The following PARVB variants were observed in gnomAD, a reference collection of about 807,000 sequenced individuals.
PARVB encodes beta-parvin.
Under a neutral mutation model 47.0 loss-of-function variants are expected in PARVB, and 46 were observed. That is an observed-to-expected ratio of 0.98 (90% CI 0.77 to 1.25). The LOEUF (loss-of-function observed/expected upper bound fraction) is 1.25, where lower values mean the gene tolerates loss of function less well. Among genes scored for constraint, PARVB ranks in the 50% most tolerant of loss-of-function variants. The pLI is 0.00. For missense variants in PARVB, 473 were observed against 471.6 expected, an observed-to-expected ratio of 1.00 and a Z score of -0.03; for synonymous variants, 196 against 196.3, an observed-to-expected ratio of 1.00 and a Z score of 0.01.
At position 44,131,102 on chromosome 22, in the gene PARVB, CTCCT is replaced by C. The variant is rs1261311572; in HGVS notation, c.377-367_377-364del. The stretch of plus-strand genomic sequence containing the variant: ...CTTTTTTTCTTTCTTCTCTCTCTCT[CTCCT>C]TCCTTCCTTCCTTCCTTTTTCTTTC... On this transcript the variant is annotated intron_variant, in intron 4 of 12. Coordinates refer to ENST00000338758, the MANE Select transcript of PARVB (RefSeq NM_013327.5). Among the ~76,000 whole-genome samples, 580 of 119,494 alleles carry C rather than the reference CTCCT, an allele frequency of 4.9e-3. 7 individuals are homozygous for C. The highest frequency in any genetic ancestry group is 0.014 in the African/African-American group (442 of 32,332). 78.4% of individuals were successfully genotyped at this position (119,494 alleles called of 152,430 possible).
intron 12 of PARVB, chr22:44,168,290 A>G (rs1285881767): frequency 3.3e-6 from 1 of 301,000 alleles, no homozygotes; most frequent in East Asian, 7.3e-5. Flanking sequence ...GTCATTAGCC[A>G]TGTCCCCCAA....
In PARVB at chr22:44,014,511, G is replaced by A. The variant is rs143304334; in HGVS notation, c.211+14838G>A. Among the ~76,000 whole-genome samples, 773 of 152,306 alleles carry A rather than the reference G, an allele frequency of 5.1e-3. 6 individuals are homozygous for A. The highest frequency in any genetic ancestry group is 8.7e-3 in the Non-Finnish European group (589 of 68,028). The stretch of plus-strand genomic sequence containing the variant: ...GGGAGCATATTAAGAAGCAAAGACG[G>A]CATTGATGGAGAAGGAGCTAAGTTC... On this transcript the variant is annotated intron_variant, in intron 2 of 13. Coordinates refer to the PARVB transcript ENST00000406477.
chr22:44,127,511 T>A (rs1446896683), intron 4 of PARVB, among the ~76,000 whole-genome samples: 3 of 152,128 alleles, frequency 2.0e-5, no homozygotes, highest in African/African-American at 7.2e-5. Context: ...ATAGGAGATT[T>A]TAGCTGAATA....
chr22:44,120,772 C>A (rs2053027477), intron 4 of PARVB, among the ~76,000 whole-genome samples: 1 of 151,848 alleles, frequency 6.6e-6, no homozygotes, highest in African/African-American at 2.4e-5. Context: ...AACTCCTGGG[C>A]TCCAGTGATC....
Position 44,100,070 on chromosome 22 carries a change from A to C in PARVB, c.220A>C (p.Thr74Pro), listed in dbSNP as rs2052405699. The C allele has an allele frequency of 6.2e-7, 1 of 1,614,068 alleles. No individual in the cohort carries two copies. Among genetic ancestry groups the C allele is most frequent in the Non-Finnish European group, 8.5e-7 (1 of 1,179,944 alleles). ...DTQLEENEER[T>P]MIDPTSKEDP... ...CCTGGCAGAGGAGAACGAGGAGCGC[A>C]CGATGATTGACCCCACTTCCAAGGA... The change falls in exon 3 of 13, where the codon ACG becomes CCG. Residue 74 changes from threonine (T) to proline (P), a missense_variant. By Grantham distance (38) the Thr-to-Pro change is conservative. Coordinates refer to ENST00000338758, the MANE Select transcript of PARVB (RefSeq NM_013327.5).
Position 44,068,923 on chromosome 22 carries a change from G to A in PARVB, c.113-25005G>A, listed in dbSNP as rs573503956. 8.8e-5 allele frequency: 50 copies of A among 568,394 alleles called. No individual in the cohort carries two copies. The highest frequency in any genetic ancestry group is 8.2e-4 in the East Asian group (29 of 35,422). 35.2% of individuals were successfully genotyped at this position (568,394 alleles called of 1,614,324 possible). A position where few individuals can be genotyped will look rare whatever the true frequency, so the allele number is the denominator to read the frequency against. ...GGCCCATGAGGCTGATGGGAGTCAA[G>A]ACAGAAATAGTGGTCTGTGGTCAGC... On this transcript the variant is annotated intron_variant, in intron 1 of 12. Coordinates refer to ENST00000338758, the MANE Select transcript of PARVB (RefSeq NM_013327.5). The surrounding 1 kb of genome is among the most constrained non-coding windows in gnomAD (Gnocchi z 4.1).
intron 8 of PARVB, chr22:44,140,379 T>TG (rs1052781022): frequency 1.7e-4 from 119 of 717,774 alleles, no homozygotes; most frequent in Admixed American, 7.5e-4. Context: ...GGTGGAAGGC[T>TG]GGGTGACCAG....
At chr22:44,012,565 G>A (rs145227425) in intron 2 of PARVB, among the ~76,000 whole-genome samples, 29 of 152,268 alleles carry the variant, frequency 1.9e-4, no homozygotes, top group Non-Finnish European at 3.1e-4. Context: ...TGGTTACAGC[G>A]TGCTTGAAAA....
At chr22:44,122,568 G>GAGAGAGAGAGAGAGAGACACAGAGAC in intron 4 of PARVB, among the ~76,000 whole-genome samples, 1 of 75,306 alleles carries the variant, frequency 1.3e-5, no homozygotes, top group African/African-American at 5.1e-5. Flanking sequence ...GAGACAGAGA[G>GAGAGAGAGAGAGAGAGACACAGAGAC]AGAGAGAGAG....
At chr22:44,020,636 T>C (rs988672431), upstream of PARVB, among the ~76,000 whole-genome samples, 3 of 152,090 alleles carry the variant, frequency 2.0e-5, no homozygotes, top group Non-Finnish European at 4.4e-5. Context: ...ACAAAGGGTG[T>C]TACAAAGGCT....
At chr22:44,005,481 TTTTC>T (rs1423114669) in intron 2 of PARVB, among the ~76,000 whole-genome samples, 3 of 151,590 alleles carry the variant, frequency 2.0e-5, no homozygotes, top group African/African-American at 7.3e-5. Flanking sequence ...TTTCTCTTTC[TTTTC>T]TTTAATTTTT....
At position 44,169,968 on chromosome 22, in the gene PARVB, T is replaced by C. The variant is rs368282804; in HGVS notation, c.*1290T>C. 8.8e-5 allele frequency: 13 copies of C among 148,492 alleles called. No homozygotes were observed. The highest frequency in any genetic ancestry group is 7.8e-4 in the East Asian group (4 of 5,144). 9.2% of individuals were successfully genotyped at this position (148,492 alleles called of 1,614,324 possible). Reference sequence around the variant, plus strand: ...ATCTGCCTGCCTCAGCCTCCCAAAGTGTTGGGATTACAGGCGTGAGCCACT... The same window carrying C: ...ATCTGCCTGCCTCAGCCTCCCAAAGCGTTGGGATTACAGGCGTGAGCCACT... On this transcript the variant is annotated 3_prime_UTR_variant, in exon 13 of 13. Coordinates refer to ENST00000338758, the MANE Select transcript of PARVB (RefSeq NM_013327.5).
At chr22:44,024,293 G>C (rs2050691317), upstream of PARVB, 4 of 978,390 alleles carry the variant, frequency 4.1e-6, no homozygotes, top group South Asian at 1.9e-4. Flanking sequence ...GGGGCGACCG[G>C]GCGGCTCCAC....
intron 1 of PARVB, among the ~76,000 whole-genome samples, chr22:44,074,048 T>C (rs1219609652): frequency 6.6e-6 from 1 of 152,232 alleles, no homozygotes; most frequent in Non-Finnish European, 1.5e-5. Context: ...TTTGGGATCC[T>C]CTGTTCGGGT....
chr22:44,109,197 C>G (rs187526231), intron 3 of PARVB: 1,644 of 152,458 alleles, frequency 0.011, 15 homozygotes, highest in Non-Finnish European at 0.018. Context: ...TGGCCCCCAC[C>G]GGGCCGTGTC....
At chr22:44,056,102 A>G (rs1268289977) in intron 1 of PARVB, among the ~76,000 whole-genome samples, 2 of 152,052 alleles carry the variant, frequency 1.3e-5, no homozygotes, top group Admixed American at 6.5e-5. Flanking sequence ...CACTTTCTTT[A>G]GTTTTGCCCG....
At chr22:44,150,873 A>C (rs1172251087) in intron 9 of PARVB, 4 of 151,590 alleles carry the variant, frequency 2.6e-5, no homozygotes, top group Non-Finnish European at 4.4e-5. Flanking sequence ...ATACAAAAAA[A>C]TTAGCTGGGC....
intron 1 of PARVB, among the ~76,000 whole-genome samples, chr22:44,062,216 A>G (rs1204282126): frequency 1.3e-5 from 2 of 152,118 alleles, no homozygotes; most frequent in East Asian, 1.9e-4. Flanking sequence ...GTTCAGTTCA[A>G]TTCTGACACC....
chr22:44,041,990 G>A (rs1433353577), intron 1 of PARVB, among the ~76,000 whole-genome samples: 1 of 152,100 alleles, frequency 6.6e-6, no homozygotes, highest in Non-Finnish European at 1.5e-5. Context: ...TTGCCACCAC[G>A]GCCACTCCCC....
Sources: allele counts gnomAD v4.1 joint callset (sites outside exome capture counted in the v4.1 genomes callset), GRCh38; gene constraint gnomAD v4.1.1; non-coding constraint Gnocchi (gnomAD v3.1); transcripts MANE v1.5; gene names NCBI Gene and HGNC (gene_info 2026-07-23, HGNC 2026-07-21).